Variants in BHMT observed in about 807,000 individuals in gnomAD.
BHMT encodes the protein betaine--homocysteine S-methyltransferase.
BHMT carries 38 observed loss-of-function variants against 49.5 expected under a neutral mutation model. That is an observed-to-expected ratio of 0.77 (90% CI 0.59 to 1.01). The LOEUF is 1.01. Ranked by LOEUF, BHMT falls within the 50% of genes least tolerant of loss-of-function variation. The pLI is 0.00. For missense variants in BHMT, 426 were observed against 495.7 expected (o/e 0.86, Z 1.34); for synonymous variants, 166 against 176.3 (o/e 0.94, Z 0.46).
chr5:79,128,272 G>C (rs527574655), intron 7 of BHMT: 38 of 294,102 alleles, frequency 1.3e-4, no homozygotes, highest in African/African-American at 7.7e-4. Context: ...TGTAATCCCA[G>C]CACTTTGGGA....
intron 7 of BHMT, among the ~76,000 whole-genome samples, chr5:79,129,717 C>A (rs972497589): frequency 6.6e-6 from 1 of 152,116 alleles, no homozygotes; most frequent in African/African-American, 2.4e-5. Context: ...GTGGAGCCTG[C>A]AGAGTGAGAG....
At chr5:79,130,759 T>C (rs1204001926) in intron 7 of BHMT, among the ~76,000 whole-genome samples, 174 bp from the exon 8 acceptor site, 3 of 145,870 alleles carry the variant, frequency 2.1e-5, no homozygotes, top group African/African-American at 5.0e-5. Context: ...AACCACAGAC[T>C]GCCCACACAG....
intron 2 of BHMT, among the ~76,000 whole-genome samples, chr5:79,118,155 C>T (rs1387096754): frequency 6.6e-6 from 1 of 151,992 alleles, no homozygotes; most frequent in Non-Finnish European, 1.5e-5. Context: ...GGAAAAAATC[C>T]CACCATATTT....
Position 79,120,494 on chromosome 5 carries a change from C to G in BHMT, c.430C>G (p.Gln144Glu). The G allele has an allele frequency of 6.2e-7, 1 of 1,613,694 alleles. No homozygotes were observed. The change falls in exon 4 of 8, where the codon CAG becomes GAG. Residue 144 changes from glutamine (Q) to glutamate (E), a missense_variant. By Grantham distance (29) the Gln-to-Glu change is conservative. Transcript: ENST00000274353. ...TGAAGTCAAAAAAGTATTTCTGCAA[C>G]AGTTAGAGGTCTTTATGAAGAAGAA... ...ETEVKKVFLQ[Q>E]LEVFMKKNVD... is the part of the protein sequence containing the mutation.
At chr5:79,113,685 T>G (rs973769501) in intron 1 of BHMT, among the ~76,000 whole-genome samples, 5 of 152,240 alleles carry the variant, frequency 3.3e-5, no homozygotes, top group Non-Finnish European at 7.3e-5. Context: ...TTACATATAC[T>G]GTTTTGTAAT....
At position 79,119,462 on chromosome 5, in the gene BHMT, C is replaced by A. The variant is rs1379195206; in HGVS notation, c.285+85C>A. 3 of 1,041,212 alleles carry A rather than the reference C, an allele frequency of 2.9e-6. No individual in the cohort carries two copies. The East Asian group carries it at 7.4e-5, about 26-fold the overall frequency. The allele number at this position is 1,041,212 out of a possible 1,614,324, so 64.5% of individuals were successfully genotyped here. A position where few individuals can be genotyped will look rare whatever the true frequency, so the allele number is the denominator to read the frequency against. ...AGCTCCCATAGAGAAAAGGGTTCAA[C>A]CTCTTCAGAGTTTTGTTTTATTTCT... is the stretch of plus-strand genomic sequence containing the variant. On this transcript the variant is annotated intron_variant, in intron 3 of 7. Coordinates refer to ENST00000274353, the MANE Select transcript of BHMT (RefSeq NM_001713.3).
intron 1 of BHMT, among the ~76,000 whole-genome samples, chr5:79,115,545 C>T (rs1237707678): frequency 1.3e-5 from 2 of 152,116 alleles, no homozygotes; most frequent in African/African-American, 2.4e-5. Context: ...AAGACCCCCC[C>T]ACCCACAGCA....
intron 1 of BHMT, among the ~76,000 whole-genome samples, chr5:79,115,467 C>T (rs1756372336): frequency 6.6e-6 from 1 of 151,898 alleles, no homozygotes; most frequent in South Asian, 2.1e-4. Context: ...TTCATTTAAT[C>T]CCTCAGCAGA....
At chr5:79,122,232 C>T (rs1045557940) in intron 5 of BHMT, among the ~76,000 whole-genome samples, 2 of 152,212 alleles carry the variant, frequency 1.3e-5, no homozygotes, top group South Asian at 2.1e-4. Context: ...TGAGCCATTG[C>T]GCCCGGCCTT....
rs767508279 is a variant in BHMT, at chr5:79,131,022, C to A, written c.1127C>A (p.Thr376Asn). 1.2e-6 allele frequency: 2 copies of A among 1,613,910 alleles called. No individual in the cohort carries two copies. The highest frequency in any genetic ancestry group is 3.3e-5 in the Admixed American group (2 of 60,002). The change falls in exon 8 of 8, where the codon ACC becomes AAC. Residue 376 changes from threonine (T) to asparagine (N), a missense_variant. Transcript: ENST00000274353. ...TCAAAGCCAGATGGCTGGGGAGTGA[C>A]CAAAGGAACAGCCGAGCTGATGCAG... Reference protein sequence around the residue: ...SMSKPDGWGVTKGTAELMQQK... With the variant: ...SMSKPDGWGVNKGTAELMQQK...
intron 2 of BHMT, among the ~76,000 whole-genome samples, chr5:79,117,197 C>T (rs1274147473): frequency 6.6e-6 from 1 of 152,188 alleles, no homozygotes. Flanking sequence ...AGACCTTCTG[C>T]ACTGTAAAAT....
chr5:79,116,818 G>A (rs1276635046), intron 2 of BHMT, among the ~76,000 whole-genome samples: 2 of 152,154 alleles, frequency 1.3e-5, no homozygotes, highest in Admixed American at 1.3e-4. Flanking sequence ...ATTAGTATAA[G>A]CGACGTCATT....
chr5:79,128,059 C>A (rs973077111), intron 7 of BHMT, 76 bp downstream of exon 7: 10 of 1,494,692 alleles, frequency 6.7e-6, no homozygotes, highest in African/African-American at 5.6e-5. Flanking sequence ...AAGACTGCAG[C>A]AAATTTGTTG....
At chr5:79,125,653 T>TC (rs1756541667) in intron 5 of BHMT, among the ~76,000 whole-genome samples, 1 of 152,086 alleles carries the variant, frequency 6.6e-6, no homozygotes, top group South Asian at 2.1e-4. Flanking sequence ...ATTAAAAGCT[T>TC]CCTGCTGGGT....
In BHMT at chr5:79,116,003, A is replaced by G. The variant is rs1192178474; in HGVS notation, c.166+104A>G. On this transcript the variant is annotated intron_variant, in intron 2 of 7. Transcript: ENST00000274353. The stretch of plus-strand genomic sequence containing the variant: ...GAGGCTGAGGTGGGAAGACCACTTG[A>G]GCCCAGGAGTTCAAGACCAGCCTGG... 8 of 1,364,280 alleles carry G rather than the reference A, an allele frequency of 5.9e-6. No homozygotes were observed. In the South Asian group the frequency reaches 1.1e-4, roughly 19 times the overall value. The allele number at this position is 1,364,280 out of a possible 1,614,324, so 84.5% of individuals were successfully genotyped here. A position where few individuals can be genotyped will look rare whatever the true frequency, so the allele number is the denominator to read the frequency against.
intron 5 of BHMT, among the ~76,000 whole-genome samples, chr5:79,121,743 AG>A (rs1756476346): frequency 6.9e-6 from 1 of 145,060 alleles, no homozygotes; most frequent in Non-Finnish European, 1.5e-5. Flanking sequence ...TGAACCCGGG[AG>A]GCGGAGCTTG....
In BHMT at chr5:79,121,375, G is replaced by A. The variant is rs796158413; in HGVS notation, c.625+10G>A. ...CGCCTGGTGAAAGCAGGTGATGATA[G>A]ATTTCAATCAGTTTGTGATTAGTAA... is the stretch of plus-strand genomic sequence containing the variant. On this transcript the variant is annotated intron_variant, in intron 5 of 7. Transcript: ENST00000274353. 2 of 1,613,970 alleles carry A rather than the reference G, an allele frequency of 1.2e-6. No individual in the cohort carries two copies. The highest frequency in any genetic ancestry group is 1.3e-5 in the African/African-American group (1 of 75,066).
chr5:79,120,881 G>A (rs986937087), intron 4 of BHMT, among the ~76,000 whole-genome samples: 1 of 152,094 alleles, frequency 6.6e-6, no homozygotes, highest in Non-Finnish European at 1.5e-5. Flanking sequence ...GGCTGGGCAC[G>A]GTGGCTCACA....
At chr5:79,118,730 C>T (rs538467586) in intron 2 of BHMT, among the ~76,000 whole-genome samples, 3 of 152,230 alleles carry the variant, frequency 2.0e-5, no homozygotes, top group Non-Finnish European at 4.4e-5. Context: ...AGGCTATTCT[C>T]TCTGGATGGA....
Sources: gnomAD v4.1 joint callset for allele counts (sites outside exome capture counted in the v4.1 genomes callset) on GRCh38, gnomAD v4.1.1 for gene constraint, MANE v1.5 for transcripts, NCBI Gene and HGNC (gene_info 2026-07-23, HGNC 2026-07-21) for gene names.